The following SNTG1 variants were observed in gnomAD, a reference collection of about 807,000 sequenced individuals.
SNTG1 encodes gamma-1-syntrophin.
Under a neutral mutation model 74.7 loss-of-function variants are expected in SNTG1, and 39 were observed. That is an observed-to-expected ratio of 0.52 (90% CI 0.40 to 0.68). The LOEUF (loss-of-function observed/expected upper bound fraction) is 0.68. Among genes scored for constraint, SNTG1 ranks in the 30% least tolerant of loss-of-function variants. The probability of loss-of-function intolerance (pLI) is 0.00; values close to 1 mark genes in which losing one functional copy is unlikely to be tolerated. For missense variants in SNTG1, 685 were observed against 609.5 expected, an observed-to-expected ratio of 1.12 and a Z score of -1.30; for synonymous variants, 254 against 217.1, an observed-to-expected ratio of 1.17 and a Z score of -1.49.
chr8:50,219,518 G>A (rs564996747), intron 2 of SNTG1, among the ~76,000 whole-genome samples: 1 of 152,100 alleles, frequency 6.6e-6, no homozygotes, highest in Non-Finnish European at 1.5e-5. Flanking sequence ...GGTTCCACAG[G>A]TTGTACAGGA....
At chr8:50,741,834 A>G (rs903409577) in intron 17 of SNTG1, among the ~76,000 whole-genome samples, 2 of 152,076 alleles carry the variant, frequency 1.3e-5, no homozygotes, top group Admixed American at 1.3e-4. Context: ...GAAGATGGTA[A>G]AAGACCAGTG....
chr8:50,549,955 A>C (rs1483990527), intron 11 of SNTG1, among the ~76,000 whole-genome samples: 1 of 152,160 alleles, frequency 6.6e-6, no homozygotes, highest in Non-Finnish European at 1.5e-5. Flanking sequence ...AACTTCAGCC[A>C]TATGTGAAAG....
chr8:50,318,546 G>A (rs1422697401), intron 2 of SNTG1, among the ~76,000 whole-genome samples: 3 of 152,092 alleles, frequency 2.0e-5, no homozygotes, highest in African/African-American at 2.4e-5. Context: ...TACAAATGGC[G>A]CTGTGTGACT....
Position 50,553,042 on chromosome 8 carries a change from A to T in SNTG1, c.681-8A>T. ...GGTTTTGATCTGATTTGTTCTGAAC[A>T]TCTGCAGGCAGAATGCCTTTCAAGT... On this transcript the variant is annotated splice_region_variant and splice_polypyrimidine_tract_variant and intron_variant, in intron 11 of 18. Coordinates refer to ENST00000642720, the MANE Select transcript of SNTG1 (RefSeq NM_018967.5). 1 of 1,613,752 alleles carries T rather than the reference A, an allele frequency of 6.2e-7. No individual in the cohort carries two copies. The highest frequency in any genetic ancestry group is 8.5e-7 in the Non-Finnish European group (1 of 1,179,738).
intron 2 of SNTG1, among the ~76,000 whole-genome samples, chr8:50,259,491 G>A (rs1457822789): frequency 3.1e-5 from 3 of 96,494 alleles, no homozygotes; most frequent in Admixed American, 1.2e-4. Context: ...AGAGAGAGAC[G>A]CTGTCTCAAA....
chr8:50,782,889 T>C (rs1164121693), intron 18 of SNTG1, among the ~76,000 whole-genome samples: 1 of 152,248 alleles, frequency 6.6e-6, no homozygotes, highest in African/African-American at 2.4e-5. Flanking sequence ...TTGGGGTGGA[T>C]GTCCTTTCTG....
chr8:49,986,104 T>G (rs1194456583), intron 1 of SNTG1, among the ~76,000 whole-genome samples: 2 of 152,184 alleles, frequency 1.3e-5, no homozygotes, highest in Admixed American at 6.5e-5. Flanking sequence ...CCTAAAAACT[T>G]TCAAAGCAAA....
chr8:49,977,811 C>G (rs1812325809), intron 1 of SNTG1, among the ~76,000 whole-genome samples: 1 of 152,196 alleles, frequency 6.6e-6, no homozygotes, highest in South Asian at 2.1e-4. Flanking sequence ...AAGAGCTGAT[C>G]AAAGATAAAG....
chr8:50,742,224 T>C (rs1392541681), intron 17 of SNTG1, among the ~76,000 whole-genome samples: 2 of 151,974 alleles, frequency 1.3e-5, no homozygotes, highest in Non-Finnish European at 2.9e-5. Flanking sequence ...GAATACACAT[T>C]TTTCTGAAGG....
At chr8:50,189,204 G>T (rs2083482132) in intron 2 of SNTG1, among the ~76,000 whole-genome samples, 1 of 152,078 alleles carries the variant, frequency 6.6e-6, no homozygotes, top group African/African-American at 2.4e-5. Context: ...AGCCATCAGA[G>T]GTATTATGAA....
intron 2 of SNTG1, among the ~76,000 whole-genome samples, chr8:50,350,085 G>A (rs1286885912): frequency 6.6e-6 from 1 of 152,162 alleles, no homozygotes; most frequent in Non-Finnish European, 1.5e-5. Context: ...GGGTGCATTG[G>A]GTCCCCCAGC....
At chr8:50,464,387 G>A (rs1453427230) in intron 8 of SNTG1, among the ~76,000 whole-genome samples, 2 of 152,098 alleles carry the variant, frequency 1.3e-5, no homozygotes, top group East Asian at 1.9e-4. Flanking sequence ...AGTGAGAGGT[G>A]TGGGAATTTT....
rs564011084 is a variant in SNTG1, at chr8:50,507,844, C to G, written c.466+4964C>G. ...TGTTATCCCTTCCCCCTCCCCACACCCCCAAACAAGCCCTGGTGTGTGATG... is the reference window on the plus strand; with the variant it reads ...TGTTATCCCTTCCCCCTCCCCACACGCCCAAACAAGCCCTGGTGTGTGATG... On this transcript the variant is annotated intron_variant, in intron 9 of 18. Coordinates refer to ENST00000642720, the MANE Select transcript of SNTG1 (RefSeq NM_018967.5). Among the ~76,000 whole-genome samples the G allele has an allele frequency of 4.6e-5, 7 of 151,726 alleles. No homozygotes were observed. The South Asian group carries it at 6.2e-4, about 14-fold the overall frequency.
chr8:49,943,704 A>G (rs1808902589), intron 1 of SNTG1, among the ~76,000 whole-genome samples: 2 of 152,208 alleles, frequency 1.3e-5, no homozygotes, highest in Admixed American at 1.3e-4. Flanking sequence ...GGATGAAAAT[A>G]TTTCTGTACT....
chr8:50,147,799 G>T (rs922477605), intron 1 of SNTG1, among the ~76,000 whole-genome samples: 1 of 152,120 alleles, frequency 6.6e-6, no homozygotes. Context: ...CACATGCATG[G>T]GATCTAGAAG....
intron 13 of SNTG1, among the ~76,000 whole-genome samples, chr8:50,602,623 C>T (rs1422361422): frequency 2.6e-5 from 4 of 152,040 alleles, no homozygotes; most frequent in Non-Finnish European, 5.9e-5. Flanking sequence ...GTGATTTTTT[C>T]TTGTTCATTA....
At chr8:50,512,503 C>A (rs977674170) in intron 9 of SNTG1, among the ~76,000 whole-genome samples, 3 of 152,184 alleles carry the variant, frequency 2.0e-5, no homozygotes, top group Middle Eastern at 3.2e-3. Flanking sequence ...TAATATCCTG[C>A]AGAGTGTTTT....
chr8:50,657,133 T>C (rs1273135223), intron 14 of SNTG1, 108 bp downstream of exon 14: 1 of 523,400 alleles, frequency 1.9e-6, no homozygotes, highest in East Asian at 3.4e-5. Context: ...AAAAATAATA[T>C]AGAGAAAAAG....
intron 2 of SNTG1, among the ~76,000 whole-genome samples, chr8:50,281,451 G>A (rs2088450701): frequency 6.6e-6 from 1 of 152,186 alleles, no homozygotes. Context: ...CCACACATGA[G>A]CTGTTGTAGC....
Sources: gnomAD v4.1 joint callset for allele counts (sites outside exome capture counted in the v4.1 genomes callset) on GRCh38, gnomAD v4.1.1 for gene constraint, MANE v1.5 for transcripts, NCBI Gene and HGNC (gene_info 2026-07-23, HGNC 2026-07-21) for gene names.